Variants in PRG2 observed in about 807,000 individuals in gnomAD.
The protein encoded by PRG2 is bone marrow proteoglycan.
In PRG2, 23 loss-of-function variants were observed where a neutral mutation model predicts 24.7. The observed-to-expected ratio is 0.93, with a 90% CI of 0.67 to 1.32. PRG2 has a LOEUF of 1.32. PRG2 is among the 40% of genes most tolerant of loss of function. PRG2 has a pLI of 0.00. For synonymous variants in PRG2, 104 were observed against 99.8 expected (o/e 1.04, Z -0.25); for missense variants, 271 against 280.9 (o/e 0.96, Z 0.25).
Position 57,389,272 on chromosome 11 carries a change from A to T in PRG2, c.104T>A (p.Leu35Gln), listed in dbSNP as rs144626660. Reference protein sequence around the residue: ...TFETPLGAKTLPEDEETPEQE... With the variant: ...TFETPLGAKTQPEDEETPEQE... ...CTCTGGTGTCTCCTCATCCTCAGGC[A>T]GCGTCTTAGCACCCAAAGGGGTCTC... The change falls in exon 3 of 6, where the codon CTG becomes CAG. Residue 35 changes from leucine (L) to glutamine (Q), a missense_variant. Transcript: ENST00000311862. 61 of 1,613,818 alleles carry T rather than the reference A, an allele frequency of 3.8e-5. No homozygotes were observed. The highest frequency in any genetic ancestry group is 6.8e-6 in the Non-Finnish European group (8 of 1,180,030).
intron 4 of PRG2, among the ~76,000 whole-genome samples, 179 bp from the exon 5 acceptor site, chr11:57,388,044 G>T (rs1218707353): frequency 6.6e-6 from 1 of 152,224 alleles, no homozygotes; most frequent in Non-Finnish European, 1.5e-5. Flanking sequence ...ATCACCATCA[G>T]ATTCTATGCA....
chr11:57,387,493 A>C lies in PRG2; in HGVS notation c.651T>G (p.Pro217=), dbSNP rs766528959. Residue 217 remains proline, a synonymous_variant, in exon 6 of 6, where the codon CCT becomes CCG. Transcript: ENST00000311862. ...WRRAHCLRRL[P]FICSY Reference sequence around the variant, plus strand: ...GACCAGCTCAGTAGGAACAGATGAAAGGAAGTCTTCTGAGGCAGTGGGCTC... The same window carrying C: ...GACCAGCTCAGTAGGAACAGATGAACGGAAGTCTTCTGAGGCAGTGGGCTC... The C allele has an allele frequency of 6.2e-7, 1 of 1,613,960 alleles. No individual in the cohort carries two copies. Among genetic ancestry groups the C allele is most frequent in the Non-Finnish European group, 8.5e-7 (1 of 1,179,962 alleles).
intron 1 of PRG2, 76 bp from the exon 2 acceptor site, chr11:57,390,032 G>T (rs1169890850): frequency 1.6e-6 from 2 of 1,233,616 alleles, no homozygotes; most frequent in Non-Finnish European, 2.3e-6. Context: ...ACCATTAGGG[G>T]ACCGTGGGAG....
rs1857076546 is a variant in PRG2 at position 57,387,831 on chromosome 11, C to T, written c.533G>A (p.Ser178Asn). The change falls in exon 5 of 6, where the codon AGC becomes AAC. Residue 178 changes from serine (S) to asparagine (N), a missense_variant. Ser to Asn is a conservative substitution (Grantham distance 46). Transcript: ENST00000311862. ...RCRRFQWVDG[S>N]RWNFAYWAAH... is the part of the protein sequence containing the mutation. ...AGCCCAGTATGCAAAGTTCCAGCGGCTGCCGTCAACCCACTGAAAGCGTCT... is the reference window on the plus strand; with the variant it reads ...AGCCCAGTATGCAAAGTTCCAGCGGTTGCCGTCAACCCACTGAAAGCGTCT... 1 of 1,579,838 alleles carries T rather than the reference C, an allele frequency of 6.3e-7. No individual in the cohort carries two copies. Among genetic ancestry groups the T allele is most frequent in the East Asian group, 2.3e-5 (1 of 43,870 alleles).
At chr11:57,389,517 G>T (rs908620147) in intron 2 of PRG2, among the ~76,000 whole-genome samples, 200 bp from the exon 3 acceptor site, 2 of 152,202 alleles carry the variant, frequency 1.3e-5, no homozygotes, top group Admixed American at 6.5e-5. Context: ...CTTAGAGTCG[G>T]GCAGTCATGG....
rs924834197 is a variant in PRG2 at position 57,389,284 on chromosome 11, C to T, written c.92G>A (p.Gly31Asp). ...SETSTFETPL[G>D]AKTLPEDEET... ...CTCATCCTCAGGCAGCGTCTTAGCA[C>T]CCAAAGGGGTCTCAAAGGTGGAAGT... is the stretch of plus-strand genomic sequence containing the variant. Residue 31 changes from glycine to aspartate, a missense_variant, in exon 3 of 6, where the codon GGT becomes GAT. Transcript: ENST00000311862. The T allele has an allele frequency of 6.2e-7, 1 of 1,613,644 alleles. No individual in the cohort carries two copies. Among genetic ancestry groups the T allele is most frequent in the Admixed American group, 1.7e-5 (1 of 60,028 alleles).
rs199968197 is a variant in PRG2, at chr11:57,388,669, T to C, written c.406A>G (p.Ile136Val). Residue 136 changes from isoleucine (I) to valine (V), a missense_variant, in exon 4 of 6, where the codon ATC (isoleucine) becomes GTC (valine). By Grantham distance (29) the Ile-to-Val change is conservative. Coordinates refer to ENST00000311862, the MANE Select transcript of PRG2 (RefSeq NM_002728.6). ...RRCYRGNLVS[I>V]HNFNINYRIQ... Reference sequence around the variant, plus strand: ...CGATAATTAATATTGAAGTTGTGGATGGAAACCAGGTTGCCCCTGTAGCAC... The same window carrying C: ...CGATAATTAATATTGAAGTTGTGGACGGAAACCAGGTTGCCCCTGTAGCAC... 58 of 1,613,970 alleles carry C rather than the reference T, an allele frequency of 3.6e-5. No homozygotes were observed. Among genetic ancestry groups the C allele is most frequent in the Admixed American group, 5.0e-5 (3 of 59,990 alleles).
chr11:57,389,223 G>A lies in PRG2; in HGVS notation c.153C>T (p.Cys51=), dbSNP rs1365823164. ...TPEQEMEETP[C]RELEEEEEWG... ...ACTCCTCCTCTTCCTCCAGCTCCCT[G>A]CAAGGGGTCTCCTCCATCTCCTGCT... Residue 51 remains cysteine, a synonymous_variant, in exon 3 of 6, where the codon TGC becomes TGT. Coordinates refer to ENST00000311862, the MANE Select transcript of PRG2 (RefSeq NM_002728.6). 4 of 1,614,164 alleles carry A rather than the reference G, an allele frequency of 2.5e-6. No individual in the cohort carries two copies. In the East Asian group the frequency reaches 8.9e-5, roughly 36 times the overall value.
intron 5 of PRG2, 105 bp downstream of exon 5, chr11:57,387,649 C>T (rs1857070653): frequency 7.3e-7 from 1 of 1,372,548 alleles, no homozygotes; most frequent in Non-Finnish European, 1.0e-6. Context: ...ATAAAAGACC[C>T]AGGAAGCCTC....
At position 57,389,936 on chromosome 11, in the gene PRG2, G is replaced by C. The variant is rs745468154; in HGVS notation, c.9C>G (p.Leu3=). MK[L]PLLLALLFGA... The stretch of plus-strand genomic sequence containing the variant: ...CAAATAGAAGAGCCAGAAGTAAGGG[G>C]AGTTTCATCTTGGCTTTATCCTGCA... The change falls in exon 2 of 6, where the codon CTC becomes CTG. Residue 3 remains leucine, a synonymous_variant. Transcript: ENST00000311862. 6.2e-7 allele frequency: 1 copy of C among 1,612,276 alleles called. No homozygotes were observed. Among genetic ancestry groups the C allele is most frequent in the Admixed American group, 1.7e-5 (1 of 59,852 alleles).
At chr11:57,388,461 A>G in intron 4 of PRG2, 116 bp downstream of exon 4, 1 of 1,487,118 alleles carries the variant, frequency 6.7e-7, no homozygotes, top group Admixed American at 1.9e-5. Flanking sequence ...GTGGGTGTCC[A>G]TCTATCCCTG....
At chr11:57,387,914 G>C in intron 4 of PRG2, 49 bp from the exon 5 acceptor site, 1 of 1,378,130 alleles carries the variant, frequency 7.3e-7, no homozygotes, top group African/African-American at 1.4e-5. Flanking sequence ...GGAAGGCAGA[G>C]AAGCAGACCT....
chr11:57,389,977 T>G (rs1857127516), intron 1 of PRG2, 21 bp from the exon 2 acceptor site: 2 of 1,580,496 alleles, frequency 1.3e-6, no homozygotes, highest in Non-Finnish European at 8.7e-7. Context: ...GAACACAGTT[T>G]GTCATTGACA....
chr11:57,388,844 G>C, intron 3 of PRG2, 136 bp from the exon 4 acceptor site: 6 of 1,431,650 alleles, frequency 4.2e-6, no homozygotes, highest in Non-Finnish European at 5.6e-6. Flanking sequence ...TGCAACTTCT[G>C]TTTGTAGGTG....
Position 57,387,516 on chromosome 11 carries a change from C to A in PRG2, c.628G>T (p.Ala210Ser). 1 of 1,613,936 alleles carries A rather than the reference C, an allele frequency of 6.2e-7. No individual in the cohort carries two copies. The highest frequency in any genetic ancestry group is 8.5e-7 in the Non-Finnish European group (1 of 1,179,934). The change falls in exon 6 of 6, where the codon GCC (alanine) becomes TCC (serine). Residue 210 changes from alanine to serine, a missense_variant. By Grantham distance (99) the Ala-to-Ser change is moderately conservative (BLOSUM62 1). Coordinates refer to ENST00000311862, the MANE Select transcript of PRG2 (RefSeq NM_002728.6). ...LCTRGGHWRR[A>S]HCLRRLPFIC... ...AAAGGAAGTCTTCTGAGGCAGTGGG[C>A]TCGACGCCAGTGGCCTCCTGTGAAG...
At chr11:57,388,493 G>C (rs1257729018) in intron 4 of PRG2, 84 bp downstream of exon 4, 2 of 1,573,094 alleles carry the variant, frequency 1.3e-6, no homozygotes, top group Admixed American at 1.7e-5. Context: ...GATTATACAG[G>C]AGAAAAACAG....
chr11:57,390,397 TC>T, intron 1 of PRG2, 198 bp downstream of exon 1: 1 of 181,986 alleles, frequency 5.5e-6, no homozygotes, highest in Non-Finnish European at 1.1e-5. Context: ...CCATCTCCTT[TC>T]CCCAGCCAAG....
rs776801676 is a variant in PRG2 at position 57,388,625 on chromosome 11, G to A, written c.450C>T (p.Ser150=). Residue 150 remains serine (S), a synonymous_variant, in exon 4 of 6, where the codon AGC becomes AGT. Transcript: ENST00000311862. The part of the protein sequence containing the change: ...NINYRIQCSV[S]ALNQGQVWIG... Reference sequence around the variant, plus strand: ...TCCAGACTTGACCCTGGTTGAGCGCGCTGACAGAACACTGGATTCGATAAT... The same window carrying A: ...TCCAGACTTGACCCTGGTTGAGCGCACTGACAGAACACTGGATTCGATAAT... The A allele has an allele frequency of 4.0e-5, 64 of 1,613,876 alleles. No homozygotes were observed. Among genetic ancestry groups the A allele is most frequent in the Non-Finnish European group, 5.3e-5 (62 of 1,179,918 alleles).
chr11:57,389,934 G>T lies in PRG2; in HGVS notation c.11C>A (p.Pro4His). The change falls in exon 2 of 6, where the codon CCC (proline) becomes CAC (histidine). Residue 4 changes from proline (P) to histidine (H), a missense_variant. By Grantham distance (77) the Pro-to-His change is moderately conservative. Coordinates refer to ENST00000311862, the MANE Select transcript of PRG2 (RefSeq NM_002728.6). MKL[P>H]LLLALLFGAV... ...CCCAAATAGAAGAGCCAGAAGTAAG[G>T]GGAGTTTCATCTTGGCTTTATCCTG... 6.2e-7 allele frequency: 1 copy of T among 1,612,360 alleles called. No individual in the cohort carries two copies. The highest frequency in any genetic ancestry group is 1.1e-5 in the South Asian group (1 of 90,954).
Sources: allele counts gnomAD v4.1 joint callset (sites outside exome capture counted in the v4.1 genomes callset), GRCh38; gene constraint gnomAD v4.1.1; transcripts MANE v1.5; gene names NCBI Gene and HGNC (gene_info 2026-07-23, HGNC 2026-07-21).